The following VSX2 variants were observed in gnomAD, a reference collection of about 807,000 sequenced individuals.
VSX2 encodes the protein ceh-10 homeo domain containing homolog.
Under a neutral mutation model 32.1 loss-of-function variants are expected in VSX2, and 28 were observed. The ratio of observed to expected loss-of-function variants is 0.87; its 90% CI spans 0.65 to 1.20. The LOEUF is 1.20. Ranked by LOEUF, VSX2 falls within the 50% of genes most tolerant of loss-of-function variation. The pLI, the probability that VSX2 is intolerant of heterozygous loss-of-function variation, is 0.00. For missense variants in VSX2, 506 were observed against 488.7 expected (o/e 1.04, Z -0.33); for synonymous variants, 243 against 214.1 (o/e 1.14, Z -1.18).
intron 3 of VSX2, among the ~76,000 whole-genome samples, chr14:74,252,385 C>CTTTT: frequency 9.3e-6 from 1 of 107,910 alleles, no homozygotes; most frequent in African/African-American, 3.2e-5. Flanking sequence ...CCTGGGCTTT[C>CTTTT]TTTTCTTTCT....
rs757242912 is a variant in VSX2 at position 74,239,929 on chromosome 14, C to T, written c.368C>T (p.Ser123Leu). Reference sequence around the variant, plus strand: ...CTGGACACCAGCCAGACGGCCAGCTCGGGTAGGTGAGGAGAGGTTGCGCTG... The same window carrying T: ...CTGGACACCAGCCAGACGGCCAGCTTGGGTAGGTGAGGAGAGGTTGCGCTG... ...GPLDTSQTAS[S>L]DSEDVSSSDR... is the part of the protein sequence containing the mutation. Residue 123 changes from serine to leucine, a missense_variant and splice_region_variant, in exon 1 of 5, where the codon TCG becomes TTG. By Grantham distance (145) the Ser-to-Leu change is moderately radical. Transcript: ENST00000261980. 63 of 1,563,248 alleles carry T rather than the reference C, an allele frequency of 4.0e-5. 3 individuals carry two copies. The South Asian group carries it at 6.7e-4, about 17-fold the overall frequency.
chr14:74,257,436 G>A (rs530264961), intron 3 of VSX2, among the ~76,000 whole-genome samples: 6 of 152,390 alleles, frequency 3.9e-5, no homozygotes, highest in African/African-American at 1.2e-4. Flanking sequence ...GAGCCACCCG[G>A]GGCGGGAGAG....
intron 3 of VSX2, among the ~76,000 whole-genome samples, chr14:74,256,096 T>C (rs2079260797): frequency 6.6e-6 from 1 of 152,152 alleles, no homozygotes; most frequent in Non-Finnish European, 1.5e-5. Context: ...CCTTGTTTTA[T>C]TAGGTTGGTG....
At chr14:74,260,572 G>A (rs1291918535) in intron 4 of VSX2, 22 bp from the exon 5 acceptor site, 4 of 1,581,274 alleles carry the variant, frequency 2.5e-6, no homozygotes, top group Admixed American at 3.7e-5. Context: ...TTCTAAACCC[G>A]AATACCAACA....
chr14:74,244,975 TGTGTGTGAGAGA>T lies in VSX2; in HGVS notation c.456-188_456-177del, dbSNP rs1383743965. 9.6e-3 allele frequency among the ~76,000 whole-genome samples: 454 copies of T among 47,436 alleles called. 2 individuals carry two copies. The highest frequency in any genetic ancestry group is 0.014 in the Non-Finnish European group (337 of 23,586). The allele number at this position is 47,436 out of a possible 152,430, so 31.1% of individuals were successfully genotyped here. On this transcript the variant is annotated intron_variant, in intron 2 of 4. Transcript: ENST00000261980. ...GTGTGTGTGTGTGTGTGTGTGTGTG[TGTGTGTGAGAGA>T]GAGAGAGAGAGAGAGAGAGACAGAG...
chr14:74,245,433 G>A, intron 3 of VSX2, 145 bp downstream of exon 3: 1 of 1,176,154 alleles, frequency 8.5e-7, no homozygotes, highest in Non-Finnish European at 1.2e-6. Flanking sequence ...GCCTATTTAA[G>A]CTGAACACCT....
chr14:74,244,248 G>A (rs1219930146), intron 2 of VSX2, among the ~76,000 whole-genome samples: 1 of 152,178 alleles, frequency 6.6e-6, no homozygotes, highest in Non-Finnish European at 1.5e-5. Flanking sequence ...AGATCCATAT[G>A]AACTGCTCTG....
chr14:74,260,692 G>A lies in VSX2; in HGVS notation c.859G>A (p.Glu287Lys), dbSNP rs200256286. 3.6e-5 allele frequency: 58 copies of A among 1,596,418 alleles called. No individual in the cohort carries two copies. The highest frequency in any genetic ancestry group is 5.3e-5 in the Admixed American group (3 of 57,136). The stretch of plus-strand genomic sequence containing the variant: ...CAAGCTCGACAAGATGGAGCAGGAC[G>A]AGCGGGGCCCCGACGCTCAGGCGGC... The part of the protein sequence containing the change: ...LPKLDKMEQD[E>K]RGPDAQAAIS... The change falls in exon 5 of 5, where the codon GAG becomes AAG. Residue 287 changes from glutamate (E) to lysine (K), a missense_variant. Glu to Lys is a moderately conservative substitution (Grantham distance 56, BLOSUM62 1). Transcript: ENST00000261980.
chr14:74,248,511 A>T (rs2079209119), intron 3 of VSX2, among the ~76,000 whole-genome samples: 1 of 151,790 alleles, frequency 6.6e-6, no homozygotes, highest in Admixed American at 6.6e-5. Context: ...ACATAGTGAA[A>T]TCCCCATCTC....
chr14:74,241,883 G>A (rs1566883453), intron 2 of VSX2, among the ~76,000 whole-genome samples: 1 of 152,194 alleles, frequency 6.6e-6, no homozygotes, highest in South Asian at 2.1e-4. Context: ...TAGACTGGAC[G>A]GTCCCACCAG....
chr14:74,243,906 T>C (rs1449143475), intron 2 of VSX2, among the ~76,000 whole-genome samples: 1 of 152,168 alleles, frequency 6.6e-6, no homozygotes, highest in Non-Finnish European at 1.5e-5. Flanking sequence ...TACACCCCTG[T>C]GCTGGCGCCA....
Position 74,239,475 on chromosome 14 carries a change from G to C in VSX2, c.-87G>C. The C allele has an allele frequency of 6.5e-7, 1 of 1,539,244 alleles. No individual in the cohort carries two copies. Among genetic ancestry groups the C allele is most frequent in the Non-Finnish European group, 8.8e-7 (1 of 1,139,268 alleles). ...GCATTAGACACCGGAGGGGGCACCTGGGACCAACTTCGCGAAGCGGGAAGC... is the reference window on the plus strand; with the variant it reads ...GCATTAGACACCGGAGGGGGCACCTCGGACCAACTTCGCGAAGCGGGAAGC... On this transcript the variant is annotated 5_prime_UTR_variant, in exon 1 of 5. Transcript: ENST00000261980.
At chr14:74,244,676 G>A (rs2079172351) in intron 2 of VSX2, among the ~76,000 whole-genome samples, 1 of 151,994 alleles carries the variant, frequency 6.6e-6, no homozygotes, top group African/African-American at 2.4e-5. Flanking sequence ...GTGCTTGGGA[G>A]GAAGAGGGGC....
intron 3 of VSX2, among the ~76,000 whole-genome samples, chr14:74,254,207 C>T (rs2079247723): frequency 6.6e-6 from 1 of 151,950 alleles, no homozygotes; most frequent in African/African-American, 2.4e-5. Flanking sequence ...GTCAGGAGTT[C>T]AAGACCAGCC....
intron 3 of VSX2, among the ~76,000 whole-genome samples, chr14:74,252,870 G>A (rs868348255): frequency 4.6e-5 from 7 of 151,870 alleles, no homozygotes; most frequent in Middle Eastern, 3.4e-3. Context: ...CCAACATGGT[G>A]ACACCCTGTC....
At chr14:74,244,945 AGTGTGTGTGTGTGTGTGT>A (rs59905689) in intron 2 of VSX2, among the ~76,000 whole-genome samples, 82 of 60,074 alleles carry the variant, frequency 1.4e-3, no homozygotes, top group African/African-American at 3.8e-3. Flanking sequence ...AGAGAGAGAA[AGTGTGTGTGTGTGTGTGT>A]GTGTGTGTGT....
Position 74,259,587 on chromosome 14 carries a change from T to C in VSX2, c.580-15T>C, listed in dbSNP as rs1338772193. The C allele has an allele frequency of 6.2e-7, 1 of 1,614,108 alleles. No homozygotes were observed. Among genetic ancestry groups the C allele is most frequent in the East Asian group, 2.2e-5 (1 of 44,870 alleles). Reference sequence around the variant, plus strand: ...CTCTCAGAGCAAGCCTCTGACCTGTTCTGTGCACCTGCAGGTCTGGTTCCA... The same window carrying C: ...CTCTCAGAGCAAGCCTCTGACCTGTCCTGTGCACCTGCAGGTCTGGTTCCA... On this transcript the variant is annotated splice_polypyrimidine_tract_variant and intron_variant, in intron 3 of 4. Coordinates refer to ENST00000261980, the MANE Select transcript of VSX2 (RefSeq NM_182894.3).
chr14:74,245,439 C>T, intron 3 of VSX2, 151 bp downstream of exon 3: 1 of 1,112,306 alleles, frequency 9.0e-7, no homozygotes, highest in Non-Finnish European at 1.3e-6. Context: ...TTAAGCTGAA[C>T]ACCTGCCACA....
chr14:74,241,146 C>G (rs182745888), intron 1 of VSX2, 36 bp from the exon 2 acceptor site: 172 of 1,605,458 alleles, frequency 1.1e-4, no homozygotes, highest in Middle Eastern at 1.7e-4. Context: ...GAGCGCGTCC[C>G]CCACTCTGCC....
Sources: gnomAD v4.1 joint callset for allele counts (sites outside exome capture counted in the v4.1 genomes callset) on GRCh38, gnomAD v4.1.1 for gene constraint, MANE v1.5 for transcripts, NCBI Gene and HGNC (gene_info 2026-07-23, HGNC 2026-07-21) for gene names.